The following EDIL3 variants were observed in gnomAD, a reference collection of about 807,000 sequenced individuals.
The protein encoded by EDIL3 is EGF-like repeat and discoidin I-like domain-containing protein 3.
A neutral mutation model predicts 67.4 loss-of-function variants in EDIL3; 37 were observed. That is an observed-to-expected ratio of 0.55 (90% CI 0.42 to 0.72). EDIL3 has a LOEUF of 0.72. Ranked by LOEUF, EDIL3 falls within the 30% of genes least tolerant of loss-of-function variation. The pLI is 0.00. For synonymous variants in EDIL3, 195 were observed against 196.3 expected (o/e 0.99, Z 0.05); for missense variants, 527 against 586.3 (o/e 0.90, Z 1.04).
chr5:84,315,139 T>C (rs17284957), intron 1 of EDIL3, among the ~76,000 whole-genome samples: 40,203 of 152,108 alleles, frequency 0.26, 6,090 homozygotes, highest in Non-Finnish European at 0.35. Context: ...CATGATCCAA[T>C]TGAAAATACT....
chr5:84,222,428 T>A (rs928007482), intron 3 of EDIL3, among the ~76,000 whole-genome samples: 1 of 151,810 alleles, frequency 6.6e-6, no homozygotes, highest in African/African-American at 2.4e-5. Context: ...ATGGATGCAT[T>A]GGTAAGCCAA....
intron 1 of EDIL3, among the ~76,000 whole-genome samples, chr5:84,373,273 T>C (rs1430243295): frequency 2.0e-5 from 3 of 152,222 alleles, no homozygotes; most frequent in Non-Finnish European, 4.4e-5. Flanking sequence ...ACCACAAAGA[T>C]GATTTTTCCA....
rs376238624 is a variant in EDIL3, at chr5:84,093,845, A to G, written c.651+12804T>C. ...CGGCTAATTTCTGTATTTTTAGTAG[A>G]GACGGGGTTTCACCATATTGGCCAG... On this transcript the variant is annotated intron_variant, in intron 6 of 10. Transcript: ENST00000296591. Among the ~76,000 whole-genome samples, 32 of 151,980 alleles carry G rather than the reference A, an allele frequency of 2.1e-4. No individual in the cohort carries two copies. In the East Asian group the frequency reaches 5.6e-3, roughly 27 times the overall value.
intron 1 of EDIL3, among the ~76,000 whole-genome samples, chr5:84,346,661 T>C (rs978953696): frequency 6.6e-6 from 1 of 152,208 alleles, no homozygotes; most frequent in African/African-American, 2.4e-5. Context: ...TAAATAGCTA[T>C]TGGAGTTAAC....
chr5:84,384,241 T>G, intron 1 of EDIL3, 67 bp downstream of exon 1: 1 of 1,553,264 alleles, frequency 6.4e-7, no homozygotes, highest in Non-Finnish European at 8.7e-7. Flanking sequence ...TCCGGCCCCC[T>G]GCGCGGCGTT....
At chr5:84,024,444 T>G (rs1307268158) in intron 9 of EDIL3, among the ~76,000 whole-genome samples, 1 of 152,200 alleles carries the variant, frequency 6.6e-6, no homozygotes, top group Non-Finnish European at 1.5e-5. Flanking sequence ...AATTACTATT[T>G]GCTGAGCACC....
At chr5:84,363,299 A>T (rs1276544181) in intron 1 of EDIL3, among the ~76,000 whole-genome samples, 1 of 152,040 alleles carries the variant, frequency 6.6e-6, no homozygotes, top group Non-Finnish European at 1.5e-5. Flanking sequence ...TCTACTAAAA[A>T]TACAAAAATT....
At position 83,943,467 on chromosome 5, in the gene EDIL3, C is replaced by T. The variant is rs1380194724; in HGVS notation, c.1395G>A (p.Gly465=). The change falls in exon 11 of 11, where the codon GGG becomes GGA. Residue 465 remains glycine, a synonymous_variant. Coordinates refer to ENST00000296591, the MANE Select transcript of EDIL3 (RefSeq NM_005711.5). ...HIRILPWSWY[G]RITLRSELLG... ...GCAGCTCTGACCGCAATGTGATCCT[C>T]CCGTACCAGGACCAAGGAAGGATTC... is the stretch of plus-strand genomic sequence containing the variant. The T allele has an allele frequency of 6.2e-7, 1 of 1,612,824 alleles. No homozygotes were observed. Among genetic ancestry groups the T allele is most frequent in the East Asian group, 2.2e-5 (1 of 44,718 alleles).
At chr5:84,043,321 T>C (rs780488686) in intron 9 of EDIL3, among the ~76,000 whole-genome samples, 6 of 152,226 alleles carry the variant, frequency 3.9e-5, no homozygotes, top group Non-Finnish European at 2.9e-5. Context: ...CTTTAGCTTA[T>C]GTGCACCATT....
At chr5:83,996,181 A>G (rs925681345) in intron 9 of EDIL3, among the ~76,000 whole-genome samples, 4 of 152,210 alleles carry the variant, frequency 2.6e-5, no homozygotes, top group African/African-American at 4.8e-5. Context: ...GCAAACCTTT[A>G]TAATAATATT....
chr5:84,195,604 T>A (rs1267864900), intron 3 of EDIL3, among the ~76,000 whole-genome samples: 1 of 151,956 alleles, frequency 6.6e-6, no homozygotes, highest in Non-Finnish European at 1.5e-5. Flanking sequence ...ACAATATCCT[T>A]GCCTGATTGT....
At chr5:84,282,025 C>T (rs543245093) in intron 1 of EDIL3, among the ~76,000 whole-genome samples, 2 of 149,948 alleles carry the variant, frequency 1.3e-5, no homozygotes, top group East Asian at 4.2e-4. Context: ...GGCCACTACA[C>T]CCAGCTAATT....
At chr5:84,250,859 T>C (rs1383676171) in intron 2 of EDIL3, among the ~76,000 whole-genome samples, 5 of 152,188 alleles carry the variant, frequency 3.3e-5, no homozygotes, top group Non-Finnish European at 7.3e-5. Flanking sequence ...AAAATTCATA[T>C]GGTCTGAAAT....
chr5:84,325,876 A>C (rs2112160321), intron 1 of EDIL3, among the ~76,000 whole-genome samples: 1 of 152,212 alleles, frequency 6.6e-6, no homozygotes, highest in East Asian at 1.9e-4. Context: ...AAGTGAAATA[A>C]GCTAGTCATA....
chr5:84,242,883 A>T (rs10942346), intron 2 of EDIL3, among the ~76,000 whole-genome samples: 1 of 151,198 alleles, frequency 6.6e-6, no homozygotes, highest in Non-Finnish European at 1.5e-5. Flanking sequence ...TGTAACAGGC[A>T]CAGCTTAATT....
intron 4 of EDIL3, among the ~76,000 whole-genome samples, chr5:84,172,623 T>G (rs545174064): frequency 1.2e-4 from 18 of 151,500 alleles, no homozygotes; most frequent in South Asian, 2.1e-4. Flanking sequence ...AAAATAAAAA[T>G]AAAAGAAAAA....
At chr5:84,236,862 C>T (rs1363211801) in intron 2 of EDIL3, among the ~76,000 whole-genome samples, 1 of 150,704 alleles carries the variant, frequency 6.6e-6, no homozygotes, top group Non-Finnish European at 1.5e-5. Context: ...AACGAAGAAA[C>T]TTGTAAGGGA....
chr5:84,017,963 C>T (rs1206867523), intron 9 of EDIL3, among the ~76,000 whole-genome samples: 1 of 152,162 alleles, frequency 6.6e-6, no homozygotes, highest in Non-Finnish European at 1.5e-5. Context: ...AAATAACACT[C>T]TCCCAATGAA....
chr5:84,274,133 G>A (rs1408300045), intron 1 of EDIL3, among the ~76,000 whole-genome samples: 1 of 152,050 alleles, frequency 6.6e-6, no homozygotes, highest in Admixed American at 6.6e-5. Context: ...TAGAGACAGC[G>A]TCTTGCTCTG....
Sources: allele counts gnomAD v4.1 joint callset (sites outside exome capture counted in the v4.1 genomes callset), GRCh38; gene constraint gnomAD v4.1.1; transcripts MANE v1.5; gene names NCBI Gene and HGNC (gene_info 2026-07-23, HGNC 2026-07-21).